IL1RAPL2: variants seen among roughly 807,000 people sequenced by gnomAD.
IL1RAPL2 encodes X-linked interleukin-1 receptor accessory protein-like 2.
In IL1RAPL2, 3 loss-of-function variants were observed where a neutral mutation model predicts 44.1. The ratio of observed to expected loss-of-function variants is 0.07; its 90% confidence interval spans 0.03 to 0.18. The LOEUF is 0.18. IL1RAPL2 is among the 10% of genes least tolerant of loss of function. IL1RAPL2 has a pLI of 1.00. For missense variants in IL1RAPL2, 391 were observed against 496.4 expected, an observed-to-expected ratio of 0.79 and a Z score of 2.02; for synonymous variants, 181 against 178.8, an observed-to-expected ratio of 1.01 and a Z score of -0.10.
chrX:104,591,296 C>T (rs1928660272), intron 1 of IL1RAPL2, among the ~76,000 whole-genome samples: 1 of 110,827 alleles, frequency 9.0e-6, no homozygotes, highest in South Asian at 3.9e-4. Flanking sequence ...CCCACCTCCC[C>T]ACTCCCCACT....
chrX:104,683,442 C>T (rs1187900838), intron 2 of IL1RAPL2, among the ~76,000 whole-genome samples: 4 of 112,003 alleles, frequency 3.6e-5, no homozygotes, highest in Admixed American at 9.5e-5. Context: ...ACTTCTGGGG[C>T]TAATACAGAG....
intron 5 of IL1RAPL2, among the ~76,000 whole-genome samples, chrX:105,348,779 G>A (rs1479125410): frequency 8.9e-6 from 1 of 111,771 alleles, no homozygotes; most frequent in Non-Finnish European, 1.9e-5. Context: ...GGGAAGGAGT[G>A]CAGCTATGTG....
At chrX:105,078,964 G>C (rs1156949563) in intron 2 of IL1RAPL2, among the ~76,000 whole-genome samples, 3 of 112,329 alleles carry the variant, frequency 2.7e-5, no homozygotes, top group Non-Finnish European at 3.8e-5. Context: ...GGAATTCCCT[G>C]ACCCCTTGTG....
chrX:104,887,136 C>A (rs1460027484), intron 2 of IL1RAPL2, among the ~76,000 whole-genome samples: 1 of 112,247 alleles, frequency 8.9e-6, no homozygotes, highest in Admixed American at 9.4e-5. Context: ...CTTGGAATCA[C>A]CGGCTTTTGC....
intron 5 of IL1RAPL2, among the ~76,000 whole-genome samples, chrX:105,309,389 T>C (rs72616892): frequency 0.064 from 7,120 of 110,791 alleles, 242 homozygotes; most frequent in South Asian, 0.15. Context: ...TTAAATGTTT[T>C]ATGCTTACTG....
intron 1 of IL1RAPL2, among the ~76,000 whole-genome samples, chrX:104,599,800 T>C (rs1928841129): frequency 9.0e-6 from 1 of 111,260 alleles, no homozygotes; most frequent in South Asian, 3.8e-4. Context: ...CTATGACTCA[T>C]AACAAGTTGT....
chrX:105,394,648 A>G (rs1374526669), intron 5 of IL1RAPL2, among the ~76,000 whole-genome samples: 2 of 111,331 alleles, frequency 1.8e-5, no homozygotes, highest in African/African-American at 6.5e-5. Context: ...ATTGTTTACC[A>G]TATCAAGACC....
intron 2 of IL1RAPL2, among the ~76,000 whole-genome samples, chrX:104,932,678 T>C: frequency 8.9e-6 from 1 of 112,116 alleles, no homozygotes; most frequent in Admixed American, 9.5e-5. Context: ...GAGAAACAGA[T>C]GTTTTCTATT....
chrX:104,632,870 A>G (rs1157179895), intron 1 of IL1RAPL2, among the ~76,000 whole-genome samples: 2 of 110,593 alleles, frequency 1.8e-5, no homozygotes, highest in Non-Finnish European at 3.8e-5. Context: ...AGAACTTCCA[A>G]CACTATGTTG....
intron 2 of IL1RAPL2, among the ~76,000 whole-genome samples, chrX:104,848,407 CTGTATATATATATATATATATATA>C (rs1922118740): frequency 5.4e-5 from 2 of 37,379 alleles, no homozygotes; most frequent in South Asian, 4.7e-3. Context: ...AGATTTTTAT[CTGTATATATATATATATATATATA>C]TATATATATA....
intron 3 of IL1RAPL2, among the ~76,000 whole-genome samples, chrX:105,199,090 C>A (rs1218717313): frequency 1.8e-5 from 2 of 111,155 alleles, no homozygotes; most frequent in Non-Finnish European, 3.8e-5. Context: ...ATTTCAAATT[C>A]TTCTGCATGG....
rs111533968 is a variant in IL1RAPL2, at chrX:104,911,697, A to G, written c.82+252702A>G. 1.4e-3 allele frequency among the ~76,000 whole-genome samples: 156 copies of G among 111,581 alleles called. 1 individual carries two copies. Among genetic ancestry groups the G allele is most frequent in the Non-Finnish European group, 2.1e-3 (112 of 53,088 alleles). ...ATATTTTCCATGATGTATAGAATAG[A>G]ATCCAAACCTCTCACCCTGGTCTAC... On this transcript the variant is annotated intron_variant, in intron 2 of 10. Transcript: ENST00000372582.
intron 6 of IL1RAPL2, among the ~76,000 whole-genome samples, chrX:105,704,758 T>G (rs968513637): frequency 9.0e-6 from 1 of 111,000 alleles, no homozygotes; most frequent in African/African-American, 3.3e-5. Context: ...ATTAGCTATT[T>G]TTCCTAATGT....
At chrX:104,705,004 G>A (rs766427016) in intron 2 of IL1RAPL2, among the ~76,000 whole-genome samples, 16 of 111,707 alleles carry the variant, frequency 1.4e-4, no homozygotes, top group Non-Finnish European at 2.6e-4. Context: ...ATGGGAAGGT[G>A]GGGAGGTCCC....
intron 5 of IL1RAPL2, among the ~76,000 whole-genome samples, chrX:105,413,671 CATT>C (rs1442411228): frequency 8.9e-6 from 1 of 112,351 alleles, no homozygotes; most frequent in Non-Finnish European, 1.9e-5. Context: ...TATTTTAAAT[CATT>C]ACGTTTGTGG....
chrX:104,906,748 G>T (rs1924023276), intron 2 of IL1RAPL2, among the ~76,000 whole-genome samples: 1 of 111,866 alleles, frequency 8.9e-6, no homozygotes, highest in Non-Finnish European at 1.9e-5. Context: ...GTTCATCAAG[G>T]ATATTGGTCT....
chrX:105,370,576 C>T (rs1214083512), intron 5 of IL1RAPL2, among the ~76,000 whole-genome samples: 8 of 111,892 alleles, frequency 7.1e-5, no homozygotes, highest in Non-Finnish European at 1.5e-4. Flanking sequence ...TTCATGGGTG[C>T]GTAGTATTCT....
At chrX:105,047,550 G>T (rs1290627967) in intron 2 of IL1RAPL2, among the ~76,000 whole-genome samples, 1 of 111,676 alleles carries the variant, frequency 9.0e-6, no homozygotes, top group Non-Finnish European at 1.9e-5. Flanking sequence ...CAGTCCAGCT[G>T]TTAATGATGC....
intron 2 of IL1RAPL2, among the ~76,000 whole-genome samples, chrX:105,057,654 A>C (rs1457223620): frequency 8.9e-6 from 1 of 112,306 alleles, no homozygotes; most frequent in Non-Finnish European, 1.9e-5. Flanking sequence ...AAGGAAGTGA[A>C]GCTGTTCATC....
Sources: gnomAD v4.1 joint callset for allele counts (sites outside exome capture counted in the v4.1 genomes callset) on GRCh38, gnomAD v4.1.1 for gene constraint, MANE v1.5 for transcripts, NCBI Gene and HGNC (gene_info 2026-07-23, HGNC 2026-07-21) for gene names.